Variants in SNAPC1 observed in about 807,000 individuals in gnomAD.
The protein encoded by SNAPC1 is snRNA-activating protein complex subunit 1.
Under a neutral mutation model 50.1 loss-of-function variants are expected in SNAPC1, and 42 were observed. That is an observed-to-expected ratio of 0.84 (90% CI 0.65 to 1.08). The LOEUF is 1.08. Ranked by LOEUF, SNAPC1 falls within the 50% of genes least tolerant of loss-of-function variation. The pLI, the probability that SNAPC1 is intolerant of heterozygous loss-of-function variation, is 0.00. For missense variants in SNAPC1, 477 were observed against 427.3 expected (o/e 1.12, Z -1.02); for synonymous variants, 164 against 144.2 (o/e 1.14, Z -0.98).
chr14:61,776,391 G>T, intron 5 of SNAPC1, 138 bp downstream of exon 5: 1 of 720,526 alleles, frequency 1.4e-6, no homozygotes, highest in Non-Finnish European at 2.3e-6. Context: ...GGCTTTTCTA[G>T]TTCCACTTTT....
Position 61,796,018 on chromosome 14 carries a change from A to T in SNAPC1, c.*1035A>T, listed in dbSNP as rs1384014120. The T allele has an allele frequency of 6.6e-6, 1 of 152,106 alleles. No homozygotes were observed. Among genetic ancestry groups the T allele is most frequent in the East Asian group, 1.9e-4 (1 of 5,194 alleles). 9.4% of individuals were successfully genotyped at this position (152,106 alleles called of 1,614,324 possible). A position where few individuals can be genotyped will look rare whatever the true frequency, so the allele number is the denominator to read the frequency against. On this transcript the variant is annotated 3_prime_UTR_variant, in exon 10 of 10. Coordinates refer to ENST00000216294, the MANE Select transcript of SNAPC1 (RefSeq NM_003082.4). ...CTTAACCTGTTTCACAGTTGATTATACTTCATGCTGTTTTCCAGCATGGTA... is the reference window on the plus strand; with the variant it reads ...CTTAACCTGTTTCACAGTTGATTATTCTTCATGCTGTTTTCCAGCATGGTA...
At chr14:61,778,380 C>T (rs1226386517) in intron 6 of SNAPC1, among the ~76,000 whole-genome samples, 1 of 152,216 alleles carries the variant, frequency 6.6e-6, no homozygotes, top group Non-Finnish European at 1.5e-5. Context: ...GCCCTCAGTT[C>T]GTAGAGGATC....
At chr14:61,770,701 C>T (rs2044982302) in intron 4 of SNAPC1, among the ~76,000 whole-genome samples, 1 of 152,092 alleles carries the variant, frequency 6.6e-6, no homozygotes, top group African/African-American at 2.4e-5. Flanking sequence ...CCCTCTCCCC[C>T]ACCACATTGT....
chr14:61,774,253 C>T (rs1401132856), intron 4 of SNAPC1, among the ~76,000 whole-genome samples: 3 of 151,124 alleles, frequency 2.0e-5, no homozygotes, highest in African/African-American at 7.3e-5. Context: ...CCTCATGCCT[C>T]AGGCTTCTGA....
chr14:61,768,732 G>A lies in SNAPC1; in HGVS notation c.526G>A (p.Val176Ile), dbSNP rs778613527. 2.6e-6 allele frequency: 4 copies of A among 1,568,254 alleles called. No individual in the cohort carries two copies. The highest frequency in any genetic ancestry group is 2.3e-5 in the South Asian group (2 of 87,860). The change falls in exon 4 of 10, where the codon GTA (valine) becomes ATA (isoleucine). Residue 176 changes from valine (V) to isoleucine (I), a missense_variant. By Grantham distance (29) the Val-to-Ile change is conservative. Transcript: ENST00000216294. Reference sequence around the variant, plus strand: ...TGTGATGAAACTTATCACTTCTGATGTATTAGAGGTAAATTTTCTTTTATG... The same window carrying A: ...TGTGATGAAACTTATCACTTCTGATATATTAGAGGTAAATTTTCTTTTATG... ...DRVMKLITSDVLEEMLNVHDH... is the reference protein window; with the variant it reads ...DRVMKLITSDILEEMLNVHDH...
At position 61,794,038 on chromosome 14, in the gene SNAPC1, A is replaced by G. The variant is rs78277304; in HGVS notation, c.1073-911A>G. Among the ~76,000 whole-genome samples the G allele has an allele frequency of 3.0e-3, 459 of 152,208 alleles. 13 individuals carry two copies. In the East Asian group the frequency reaches 0.055, roughly 18 times the overall value. ...CTTTCTTTGCTTTTAATGATCAGTAAACTTTAGGTTCGTGCTGTTTCTAGA... is the reference window on the plus strand; with the variant it reads ...CTTTCTTTGCTTTTAATGATCAGTAGACTTTAGGTTCGTGCTGTTTCTAGA... On this transcript the variant is annotated intron_variant, in intron 9 of 9. Coordinates refer to ENST00000216294, the MANE Select transcript of SNAPC1 (RefSeq NM_003082.4).
chr14:61,769,945 G>A (rs55654034), intron 4 of SNAPC1, among the ~76,000 whole-genome samples: 19,031 of 152,108 alleles, frequency 0.13, 1,423 homozygotes, highest in Non-Finnish European at 0.16. Flanking sequence ...GAGAGGAGAC[G>A]AGAGGGTAAG....
At chr14:61,769,599 G>T (rs898200596) in intron 4 of SNAPC1, among the ~76,000 whole-genome samples, 4 of 151,774 alleles carry the variant, frequency 2.6e-5, no homozygotes, top group Non-Finnish European at 5.9e-5. Flanking sequence ...GGGTTTTGCC[G>T]TGTTAGCCAG....
At chr14:61,776,984 T>C (rs879284215) in intron 5 of SNAPC1, among the ~76,000 whole-genome samples, 5 of 152,234 alleles carry the variant, frequency 3.3e-5, no homozygotes, top group Non-Finnish European at 7.3e-5. Flanking sequence ...AATTTACTTT[T>C]GAAACTATTA....
intron 4 of SNAPC1, among the ~76,000 whole-genome samples, chr14:61,775,358 C>T (rs966153503): frequency 6.6e-6 from 1 of 151,710 alleles, no homozygotes; most frequent in African/African-American, 2.4e-5. Flanking sequence ...CGGGTTCAAG[C>T]AATTCTCCTA....
chr14:61,785,767 A>G (rs1436745217), intron 8 of SNAPC1, among the ~76,000 whole-genome samples: 1 of 152,214 alleles, frequency 6.6e-6, no homozygotes, highest in Non-Finnish European at 1.5e-5. Context: ...ACCTAATACA[A>G]ATAATACGCA....
chr14:61,771,188 C>G (rs1368996270), intron 4 of SNAPC1, among the ~76,000 whole-genome samples: 2 of 152,144 alleles, frequency 1.3e-5, no homozygotes, highest in Non-Finnish European at 2.9e-5. Context: ...TGCAGGAACT[C>G]TGGGAAAATA....
intron 4 of SNAPC1, among the ~76,000 whole-genome samples, chr14:61,775,370 C>G (rs1026642280): frequency 3.3e-5 from 5 of 151,988 alleles, no homozygotes; most frequent in Admixed American, 2.0e-4. Flanking sequence ...ATTCTCCTAC[C>G]TCAGCCTCCC....
intron 4 of SNAPC1, among the ~76,000 whole-genome samples, chr14:61,775,223 A>G (rs1345775517): frequency 6.6e-6 from 1 of 151,262 alleles, no homozygotes; most frequent in Non-Finnish European, 1.5e-5. Flanking sequence ...ATAATGCCAC[A>G]AATGGTGTCA....
intron 4 of SNAPC1, among the ~76,000 whole-genome samples, chr14:61,771,812 T>C (rs1196418368): frequency 6.6e-6 from 1 of 152,000 alleles, no homozygotes; most frequent in Non-Finnish European, 1.5e-5. Flanking sequence ...GGAAAGAAGG[T>C]GAGAATGGAT....
intron 1 of SNAPC1, 129 bp downstream of exon 1, chr14:61,762,717 A>C (rs183763930): frequency 5.0e-6 from 5 of 995,362 alleles, no homozygotes; most frequent in Admixed American, 2.2e-5. Flanking sequence ...TGCCTCCATG[A>C]CTCCTGGACC....
At chr14:61,768,612 A>G in intron 3 of SNAPC1, 24 bp from the exon 4 acceptor site, 1 of 1,229,810 alleles carries the variant, frequency 8.1e-7, no homozygotes, top group Non-Finnish European at 1.2e-6. Context: ...ATACTCATTT[A>G]AAAAGACACG....
intron 1 of SNAPC1, among the ~76,000 whole-genome samples, chr14:61,765,701 A>G (rs1234647119): frequency 2.0e-5 from 3 of 152,138 alleles, no homozygotes; most frequent in African/African-American, 4.8e-5. Flanking sequence ...AGTTTTCCTT[A>G]GTGATCTTGG....
At chr14:61,794,729 G>GT (rs1258924911) in intron 9 of SNAPC1, among the ~76,000 whole-genome samples, 2 of 152,106 alleles carry the variant, frequency 1.3e-5, no homozygotes, top group East Asian at 3.9e-4. Flanking sequence ...TTAAACTGCT[G>GT]TATCATTTTG....
Sources: gnomAD v4.1 joint callset for allele counts (sites outside exome capture counted in the v4.1 genomes callset) on GRCh38, gnomAD v4.1.1 for gene constraint, MANE v1.5 for transcripts, NCBI Gene and HGNC (gene_info 2026-07-23, HGNC 2026-07-21) for gene names.